LDLRAD4: variants seen among roughly 807,000 people sequenced by gnomAD.
LDLRAD4 encodes the protein low density lipoprotein receptor class A domain containing 4.
A neutral mutation model predicts 17.0 loss-of-function variants in LDLRAD4; 5 were observed. That is an observed-to-expected ratio of 0.29 (90% CI 0.15 to 0.62). LDLRAD4 has a LOEUF of 0.62. Ranked by LOEUF, LDLRAD4 falls within the 20% of genes least tolerant of loss-of-function variation. LDLRAD4 has a pLI of 0.84. For synonymous variants in LDLRAD4, 168 were observed against 171.8 expected (o/e 0.98, Z 0.17); for missense variants, 340 against 424.7 (o/e 0.80, Z 1.75).
chr18:13,375,793 G>A (rs1402121404), intron 1 of LDLRAD4, among the ~76,000 whole-genome samples: 4 of 152,288 alleles, frequency 2.6e-5, no homozygotes, highest in African/African-American at 2.4e-5. Context: ...CCTGCACCTG[G>A]TGGGAGGCCT....
At chr18:13,619,694 G>A (rs1017029413) in intron 3 of LDLRAD4, among the ~76,000 whole-genome samples, 1 of 152,186 alleles carries the variant, frequency 6.6e-6, no homozygotes, top group Non-Finnish European at 1.5e-5. Context: ...GCTGGGGCGG[G>A]GCCGGCAGGC....
At chr18:13,379,312 C>T (rs116842499) in intron 1 of LDLRAD4, among the ~76,000 whole-genome samples, 1 of 152,378 alleles carries the variant, frequency 6.6e-6, no homozygotes, top group East Asian at 1.9e-4. Context: ...ACCCCCAGGC[C>T]AGCAGCCACT....
At chr18:13,618,304 A>G (rs1186389067) in intron 3 of LDLRAD4, among the ~76,000 whole-genome samples, 1 of 152,226 alleles carries the variant, frequency 6.6e-6, no homozygotes, top group Non-Finnish European at 1.5e-5. Flanking sequence ...TTCCCCCGGG[A>G]CGGAGTGGGG....
intron 3 of LDLRAD4, among the ~76,000 whole-genome samples, chr18:13,584,874 G>T (rs1262459127): frequency 1.3e-5 from 2 of 152,168 alleles, no homozygotes; most frequent in Non-Finnish European, 1.5e-5. Context: ...ACTTCCTCTT[G>T]TCCAGGCTCC....
chr18:13,344,709 C>A (rs2082580008), intron 1 of LDLRAD4, among the ~76,000 whole-genome samples: 1 of 152,182 alleles, frequency 6.6e-6, no homozygotes, highest in South Asian at 2.1e-4. Flanking sequence ...TCTTCTTACC[C>A]ATGAGCATGG....
chr18:13,590,385 C>T (rs1364091511), intron 3 of LDLRAD4, among the ~76,000 whole-genome samples: 3 of 151,958 alleles, frequency 2.0e-5, no homozygotes, highest in South Asian at 2.1e-4. Flanking sequence ...TGTGTGTGTG[C>T]GCCTGCACAC....
At chr18:13,545,728 C>A (rs1568322937) in intron 3 of LDLRAD4, among the ~76,000 whole-genome samples, 1 of 152,148 alleles carries the variant, frequency 6.6e-6, no homozygotes, top group Non-Finnish European at 1.5e-5. Context: ...TGGAGCCAAG[C>A]AAGCTAATTT....
At chr18:13,308,547 C>G (rs2047046684) in intron 1 of LDLRAD4, among the ~76,000 whole-genome samples, 1 of 152,206 alleles carries the variant, frequency 6.6e-6, no homozygotes, top group South Asian at 2.1e-4. Context: ...GAAAGGTGGG[C>G]GAAGGTGCCT....
chr18:13,432,957 T>C (rs2090438218), intron 2 of LDLRAD4, among the ~76,000 whole-genome samples: 1 of 152,244 alleles, frequency 6.6e-6, no homozygotes, highest in South Asian at 2.1e-4. Flanking sequence ...CCTCAAGCTA[T>C]CCTCCTGTCT....
chr18:13,593,556 T>C (rs952525680), intron 3 of LDLRAD4, among the ~76,000 whole-genome samples: 4 of 151,430 alleles, frequency 2.6e-5, no homozygotes, highest in Non-Finnish European at 2.9e-5. Context: ...ACTTTATCTA[T>C]CTATCTGTCT....
upstream of LDLRAD4, among the ~76,000 whole-genome samples, chr18:13,274,078 C>T (rs1384468115): frequency 4.6e-5 from 7 of 152,208 alleles, no homozygotes; most frequent in Non-Finnish European, 7.3e-5. Context: ...CCTCAGCGAG[C>T]GGCTGTGCTT....
intron 3 of LDLRAD4, among the ~76,000 whole-genome samples, chr18:13,574,362 C>T (rs1055946963): frequency 3.3e-5 from 5 of 152,186 alleles, no homozygotes; most frequent in African/African-American, 1.2e-4. Flanking sequence ...AGCAACCGCT[C>T]TCTGTTCACA....
chr18:13,512,896 T>A (rs1397907166), intron 3 of LDLRAD4, among the ~76,000 whole-genome samples: 1 of 152,206 alleles, frequency 6.6e-6, no homozygotes, highest in Non-Finnish European at 1.5e-5. Context: ...AAAGTAAATT[T>A]TTTTGGCTTA....
chr18:13,609,223 G>T (rs1448740087), intron 3 of LDLRAD4, among the ~76,000 whole-genome samples: 1 of 152,206 alleles, frequency 6.6e-6, no homozygotes. Flanking sequence ...AAGAAATATT[G>T]GCAGCTCTCA....
In LDLRAD4 at chr18:13,310,464, A is replaced by C. The variant is rs137866144; in HGVS notation, c.-383+32276A>C. On this transcript the variant is annotated intron_variant, in intron 1 of 5. Transcript: ENST00000359446. ...ACGTTGTGGTTGAAAAGGAAAAAAG[A>C]CAGTCCTTGCCCTAGAGGTTTTGCG... Among the ~76,000 whole-genome samples, 475 of 152,312 alleles carry C rather than the reference A, an allele frequency of 3.1e-3. 3 individuals are homozygous for C. The highest frequency in any genetic ancestry group is 5.0e-3 in the Non-Finnish European group (338 of 68,028).
chr18:13,323,576 A>AGT, intron 1 of LDLRAD4, among the ~76,000 whole-genome samples: 1 of 152,380 alleles, frequency 6.6e-6, no homozygotes, highest in Admixed American at 6.5e-5. Context: ...CAAACAAAAC[A>AGT]AAACACCCCT....
At chr18:13,550,180 A>C (rs77587014) in intron 3 of LDLRAD4, among the ~76,000 whole-genome samples, 1,922 of 152,310 alleles carry the variant, frequency 0.013, 39 homozygotes, top group African/African-American at 0.044. Flanking sequence ...AAGTTCTATC[A>C]TGGAAAAGGG....
chr18:13,413,033 T>G (rs2088527534), intron 2 of LDLRAD4, among the ~76,000 whole-genome samples: 1 of 152,216 alleles, frequency 6.6e-6, no homozygotes, highest in Non-Finnish European at 1.5e-5. Context: ...CAGTCAGGAT[T>G]CTTCTTGCAG....
At chr18:13,564,679 C>T (rs374952915) in intron 3 of LDLRAD4, among the ~76,000 whole-genome samples, 86 of 139,896 alleles carry the variant, frequency 6.1e-4, no homozygotes, top group African/African-American at 2.1e-3. Context: ...CGCAGACCCA[C>T]GACCCCGCCT....
Sources: gnomAD v4.1 joint callset for allele counts (sites outside exome capture counted in the v4.1 genomes callset) on GRCh38, gnomAD v4.1.1 for gene constraint, MANE v1.5 for transcripts, NCBI Gene and HGNC (gene_info 2026-07-23, HGNC 2026-07-21) for gene names.